Variants in DAP3 observed in about 807,000 individuals in gnomAD.
The protein encoded by DAP3 is death associated protein 3.
In DAP3, 28 loss-of-function variants were observed where a neutral mutation model predicts 51.9. The observed-to-expected ratio is 0.54, with a 90% CI of 0.40 to 0.74. The LOEUF is 0.74. DAP3 is among the 30% of genes least tolerant of loss of function. DAP3 has a pLI of 0.00. For missense variants in DAP3, 458 were observed against 483.5 expected, an observed-to-expected ratio of 0.95 and a Z score of 0.49; for synonymous variants, 170 against 170.3, an observed-to-expected ratio of 1.00 and a Z score of 0.01.
chr1:155,694,236 C>T (rs1267739671), intron 1 of DAP3, among the ~76,000 whole-genome samples: 1 of 141,220 alleles, frequency 7.1e-6, no homozygotes, highest in Non-Finnish European at 1.5e-5. Flanking sequence ...AACTGATAAC[C>T]CATGGACATA....
At chr1:155,703,764 T>G (rs1246930807) in intron 1 of DAP3, among the ~76,000 whole-genome samples, 1 of 152,184 alleles carries the variant, frequency 6.6e-6, no homozygotes, top group East Asian at 1.9e-4. Context: ...GTCTCGATCT[T>G]CTGACCTCGT....
rs755677116 is a variant in DAP3 at position 155,717,075 on chromosome 1, C to G, written c.115C>G (p.Gln39Glu). 5.6e-6 allele frequency: 9 copies of G among 1,614,110 alleles called. No individual in the cohort carries two copies. Among genetic ancestry groups the G allele is most frequent in the Non-Finnish European group, 7.6e-6 (9 of 1,180,036 alleles). Residue 39 changes from glutamine to glutamate, a missense_variant, in exon 3 of 13, where the codon CAG (glutamine) becomes GAG (glutamate). Coordinates refer to ENST00000368336, the MANE Select transcript of DAP3 (RefSeq NM_004632.4). The stretch of plus-strand genomic sequence containing the variant: ...AAGCATTGCTGCTCACCTAGATAAC[C>G]AGGTTCCAGTTGAGAGTCCGAGAGC... Reference protein sequence around the residue: ...RQSIAAHLDNQVPVESPRAIS... With the variant: ...RQSIAAHLDNEVPVESPRAIS...
At chr1:155,721,414 A>G (rs1411008619) in intron 3 of DAP3, 103 bp from the exon 4 acceptor site, 2 of 592,966 alleles carry the variant, frequency 3.4e-6, no homozygotes, top group Non-Finnish European at 5.8e-6. Flanking sequence ...ATATATATAT[A>G]TATACACATA....
At chr1:155,701,607 C>A (rs1655283464) in intron 1 of DAP3, among the ~76,000 whole-genome samples, 1 of 131,808 alleles carries the variant, frequency 7.6e-6, no homozygotes. Context: ...ATCTGCTGAC[C>A]TTCCCTCCAC....
At chr1:155,689,800 T>A (rs1240250535) in intron 1 of DAP3, among the ~76,000 whole-genome samples, 2 of 152,062 alleles carry the variant, frequency 1.3e-5, no homozygotes, top group Non-Finnish European at 2.9e-5. Context: ...TAGCCCCAGC[T>A]ACTCGGGAGG....
chr1:155,699,148 A>G (rs1308617253), intron 1 of DAP3, among the ~76,000 whole-genome samples: 1 of 152,198 alleles, frequency 6.6e-6, no homozygotes, highest in Non-Finnish European at 1.5e-5. Context: ...TATTGAGTAT[A>G]ATCACTTAGA....
intron 1 of DAP3, among the ~76,000 whole-genome samples, chr1:155,701,131 G>T (rs1176889514): frequency 1.6e-5 from 2 of 125,552 alleles, no homozygotes; most frequent in Non-Finnish European, 3.2e-5. Flanking sequence ...GCCCCTACTG[G>T]GAAGTGAGTA....
chr1:155,688,859 G>A, upstream of DAP3: 1 of 1,601,578 alleles, frequency 6.2e-7, no homozygotes, highest in East Asian at 2.3e-5. Flanking sequence ...GGAAGGGACC[G>A]GCAAAGCGAG....
At chr1:155,703,626 C>T (rs1014027895) in intron 1 of DAP3, among the ~76,000 whole-genome samples, 3 of 152,196 alleles carry the variant, frequency 2.0e-5, no homozygotes, top group East Asian at 1.9e-4. Flanking sequence ...CAACCTCTGC[C>T]TCCCGGGCTC....
chr1:155,738,495 G>A lies in DAP3; in HGVS notation c.*253G>A, dbSNP rs1660027700. 4.9e-6 allele frequency: 2 copies of A among 408,374 alleles called. No homozygotes were observed. Among genetic ancestry groups the A allele is most frequent in the South Asian group, 1.2e-4 (2 of 16,076 alleles). The allele number at this position is 408,374 out of a possible 1,614,324, so 25.3% of individuals were successfully genotyped here. A position where few individuals can be genotyped will look rare whatever the true frequency, so the allele number is the denominator to read the frequency against. ...GGTTTTTCACATTTAAGATAATTAT[G>A]GCTCTTTTCCTAAAAAATAAAATAT... On this transcript the variant is annotated 3_prime_UTR_variant, in exon 13 of 13. Coordinates refer to ENST00000368336, the MANE Select transcript of DAP3 (RefSeq NM_004632.4).
At chr1:155,704,351 A>C (rs1655691165) in intron 1 of DAP3, among the ~76,000 whole-genome samples, 1 of 152,182 alleles carries the variant, frequency 6.6e-6, no homozygotes. Flanking sequence ...TCCAGTGTCC[A>C]CAGGCACGCC....
chr1:155,688,332 G>C (rs1166580283), upstream of DAP3: 8 of 1,550,968 alleles, frequency 5.2e-6, no homozygotes, highest in South Asian at 8.3e-5. Flanking sequence ...CGGCGGCAGC[G>C]GCGGCAGCAG....
intron 2 of DAP3, among the ~76,000 whole-genome samples, chr1:155,712,743 C>T (rs370524074): frequency 1.8e-4 from 27 of 151,734 alleles, no homozygotes; most frequent in African/African-American, 5.6e-4. Context: ...TGAGACTGTC[C>T]GGGGCAATAT....
intron 3 of DAP3, among the ~76,000 whole-genome samples, chr1:155,720,813 C>T (rs1250757279): frequency 4.6e-5 from 7 of 151,720 alleles, no homozygotes; most frequent in Non-Finnish European, 8.8e-5. Context: ...TCGAGGTGAG[C>T]GGATCACGAG....
intron 2 of DAP3, among the ~76,000 whole-genome samples, chr1:155,714,710 A>G (rs1021844391): frequency 6.6e-6 from 1 of 152,136 alleles, no homozygotes; most frequent in Non-Finnish European, 1.5e-5. Context: ...AGCTGAGATC[A>G]TGCCATTGCA....
intron 1 of DAP3, among the ~76,000 whole-genome samples, chr1:155,699,804 C>A (rs1274590296): frequency 2.6e-5 from 4 of 152,088 alleles, no homozygotes; most frequent in African/African-American, 7.2e-5. Flanking sequence ...TGGTAGAGGA[C>A]AAGGTCTCAT....
chr1:155,688,874 GCTTGCCGTTTGA>G, upstream of DAP3: 1 of 1,609,050 alleles, frequency 6.2e-7, no homozygotes, highest in Non-Finnish European at 8.5e-7. Context: ...AGCGAGTCTG[GCTTGCCGTTTGA>G]CTGGAATTGC....
At chr1:155,702,366 G>A (rs565544320) in intron 1 of DAP3, among the ~76,000 whole-genome samples, 113 of 152,046 alleles carry the variant, frequency 7.4e-4, no homozygotes, top group African/African-American at 2.6e-3. Flanking sequence ...CCAGCTACTC[G>A]GGAGGCTGAG....
chr1:155,732,736 T>C (rs1005933753), intron 11 of DAP3, among the ~76,000 whole-genome samples: 2 of 152,144 alleles, frequency 1.3e-5, no homozygotes, highest in Non-Finnish European at 2.9e-5. Context: ...TAAGTTGTCA[T>C]GTCTCTGGCT....
Sources: gnomAD v4.1 joint callset for allele counts (sites outside exome capture counted in the v4.1 genomes callset) on GRCh38, gnomAD v4.1.1 for gene constraint, MANE v1.5 for transcripts, NCBI Gene and HGNC (gene_info 2026-07-23, HGNC 2026-07-21) for gene names.